Variants in RGS5 observed in about 807,000 individuals in gnomAD.
The protein encoded by RGS5 is regulator of G protein signaling 5.
A neutral mutation model predicts 18.9 loss-of-function variants in RGS5; 20 were observed. That is an observed-to-expected ratio of 1.06 (90% confidence interval 0.74 to 1.54). RGS5 has a LOEUF of 1.54. RGS5 is among the 40% of genes most tolerant of loss of function. The pLI, the probability that RGS5 is intolerant of heterozygous loss-of-function variation, is 0.00. For synonymous variants in RGS5, 57 were observed against 76.2 expected (o/e 0.75, Z 1.31); for missense variants, 201 against 211.8 (o/e 0.95, Z 0.32).
chr1:163,271,948 A>G (rs1648729368), intron 2 of RGS5, among the ~76,000 whole-genome samples: 1 of 151,900 alleles, frequency 6.6e-6, no homozygotes, highest in South Asian at 2.1e-4. Context: ...TTTCCTCAAC[A>G]ATGCTTTGTA....
chr1:163,277,384 T>C (rs952446630), intron 2 of RGS5, among the ~76,000 whole-genome samples: 1 of 152,192 alleles, frequency 6.6e-6, no homozygotes, highest in Non-Finnish European at 1.5e-5. Flanking sequence ...AGTGCATCCT[T>C]AACCTTGCCA....
At chr1:163,166,201 G>T (rs11580141) in intron 2 of RGS5, among the ~76,000 whole-genome samples, 1 of 151,864 alleles carries the variant, frequency 6.6e-6, no homozygotes, top group South Asian at 2.1e-4. Context: ...GGGAAAAAGG[G>T]CTACTAAAAG....
At chr1:163,317,026 T>C (rs1171505734) in intron 1 of RGS5, among the ~76,000 whole-genome samples, 7 of 152,206 alleles carry the variant, frequency 4.6e-5, no homozygotes, top group Non-Finnish European at 8.8e-5. Context: ...ACATAAACTT[T>C]TTTTTTGTAA....
intron 2 of RGS5, among the ~76,000 whole-genome samples, chr1:163,266,837 G>C (rs918370762): frequency 2.6e-5 from 4 of 152,090 alleles, no homozygotes; most frequent in African/African-American, 7.2e-5. Context: ...CCACTATAGT[G>C]CCTGGAAAAT....
At chr1:163,284,119 T>C (rs1649072083) in intron 2 of RGS5, among the ~76,000 whole-genome samples, 1 of 152,232 alleles carries the variant, frequency 6.6e-6, no homozygotes, top group South Asian at 2.1e-4. Flanking sequence ...TTGGATCTTT[T>C]TCTTTATGAT....
intron 2 of RGS5, among the ~76,000 whole-genome samples, chr1:163,268,131 T>A (rs1648615281): frequency 1.3e-5 from 2 of 151,980 alleles, no homozygotes; most frequent in South Asian, 4.1e-4. Flanking sequence ...AATGTGTAAA[T>A]GAGACACTAA....
intron 1 of RGS5, among the ~76,000 whole-genome samples, chr1:163,176,594 C>A (rs910496101): frequency 6.9e-6 from 1 of 144,418 alleles, no homozygotes; most frequent in South Asian, 2.2e-4. Context: ...GCACTCCAGT[C>A]TGGGCAACAA....
intron 2 of RGS5, among the ~76,000 whole-genome samples, chr1:163,251,361 A>T (rs976288): frequency 0.2 from 29,825 of 152,084 alleles, 3,375 homozygotes; most frequent in Non-Finnish European, 0.25. Flanking sequence ...GACCTTTTTA[A>T]AATTTTTTAA....
At chr1:163,217,775 C>T, upstream of RGS5, 1 of 755,370 alleles carries the variant, frequency 1.3e-6, no homozygotes, top group Non-Finnish European at 2.0e-6. Context: ...TGCGAAACTT[C>T]TGATATGTGG....
intron 1 of RGS5, among the ~76,000 whole-genome samples, chr1:163,194,708 T>G (rs1659493481): frequency 6.6e-6 from 1 of 152,074 alleles, no homozygotes; most frequent in South Asian, 2.1e-4. Flanking sequence ...GAGAGAGATA[T>G]AAGATTAAGA....
intron 1 of RGS5, 138 bp downstream of exon 1, chr1:163,202,654 T>G (rs1659819479): frequency 1.5e-6 from 1 of 645,312 alleles, no homozygotes; most frequent in East Asian, 2.8e-5. Flanking sequence ...GAAGAGATAA[T>G]ACCCAATCTA....
At chr1:163,157,188 C>G (rs1462593308) in intron 3 of RGS5, among the ~76,000 whole-genome samples, 5 of 152,178 alleles carry the variant, frequency 3.3e-5, no homozygotes, top group Admixed American at 1.3e-4. Context: ...AACTTTGCTG[C>G]TTCTGGCTTG....
intron 4 of RGS5, among the ~76,000 whole-genome samples, chr1:163,151,751 T>C: frequency 6.6e-6 from 1 of 152,222 alleles, no homozygotes; most frequent in East Asian, 1.9e-4. Flanking sequence ...ATTAAACCTC[T>C]TTCCTTTATA....
At chr1:163,290,148 A>G (rs1328649067) in intron 2 of RGS5, among the ~76,000 whole-genome samples, 3 of 152,148 alleles carry the variant, frequency 2.0e-5, no homozygotes, top group Admixed American at 6.6e-5. Flanking sequence ...TGCCCTGTGT[A>G]AATCAGACAC....
chr1:163,145,647 C>T lies in RGS5; in HGVS notation c.*1695G>A, dbSNP rs1276362337. 1.3e-5 allele frequency: 2 copies of T among 152,200 alleles called. No homozygotes were observed. Among genetic ancestry groups the T allele is most frequent in the East Asian group, 1.9e-4 (1 of 5,196 alleles). The allele number at this position is 152,200 out of a possible 1,614,324, so 9.4% of individuals were successfully genotyped here. Reference sequence around the variant, plus strand: ...ATTGTTGGCAGAACACCCAACCACTCTACCCAGTTTCAGAATGTGAAATGG... The same window carrying T: ...ATTGTTGGCAGAACACCCAACCACTTTACCCAGTTTCAGAATGTGAAATGG... On this transcript the variant is annotated 3_prime_UTR_variant, in exon 5 of 5. Coordinates refer to ENST00000313961, the MANE Select transcript of RGS5 (RefSeq NM_003617.4).
chr1:163,281,673 C>G (rs1373406341), intron 2 of RGS5, among the ~76,000 whole-genome samples: 2 of 152,092 alleles, frequency 1.3e-5, no homozygotes, highest in Admixed American at 1.3e-4. Flanking sequence ...CAAACCATAT[C>G]AAGAACTATA....
rs779531486 is a variant in RGS5, at chr1:163,278,322, G to T, written c.-281+27911C>A. ...GACTAACAGATTTCTCACCTTACAGGCTGTGAAAAGTGCTGAAAGAAAAAA... is the reference window on the plus strand; with the variant it reads ...GACTAACAGATTTCTCACCTTACAGTCTGTGAAAAGTGCTGAAAGAAAAAA... On this transcript the variant is annotated intron_variant, in intron 2 of 5. Coordinates refer to the RGS5 transcript ENST00000618415. Among the ~76,000 whole-genome samples the T allele has an allele frequency of 8.6e-4, 130 of 152,040 alleles. 1 individual carries two copies. The highest frequency in any genetic ancestry group is 3.5e-3 in the Admixed American group (53 of 15,246).
chr1:163,172,550 T>C (rs1658350615), intron 1 of RGS5: 2 of 1,549,644 alleles, frequency 1.3e-6, no homozygotes, highest in African/African-American at 2.7e-5. Context: ...CAGAGCAGAC[T>C]AACATACCAG....
intron 2 of RGS5, among the ~76,000 whole-genome samples, chr1:163,258,077 T>C (rs1168429812): frequency 1.3e-5 from 2 of 152,200 alleles, no homozygotes; most frequent in African/African-American, 4.8e-5. Flanking sequence ...GCAAGTTTGA[T>C]CCTACATTGA....
Sources: allele counts gnomAD v4.1 joint callset (sites outside exome capture counted in the v4.1 genomes callset), GRCh38; gene constraint gnomAD v4.1.1; transcripts MANE v1.5; gene names NCBI Gene and HGNC (gene_info 2026-07-23, HGNC 2026-07-21).